The following CCDC149 variants were observed in gnomAD, a reference collection of about 807,000 sequenced individuals.
The protein encoded by CCDC149 is coiled-coil domain-containing protein 149.
Under a neutral mutation model 59.9 loss-of-function variants are expected in CCDC149, and 45 were observed. The ratio of observed to expected loss-of-function variants is 0.75; its 90% CI spans 0.59 to 0.96. The LOEUF (loss-of-function observed/expected upper bound fraction) is 0.96, where lower values mean the gene tolerates loss of function less well. CCDC149 is among the 40% of genes least tolerant of loss of function. The pLI is 0.00. For missense variants in CCDC149, 584 were observed against 664.7 expected, an observed-to-expected ratio of 0.88 and a Z score of 1.33; for synonymous variants, 245 against 260.6, an observed-to-expected ratio of 0.94 and a Z score of 0.58.
chr4:24,819,862 C>T lies in CCDC149; in HGVS notation c.1189G>A (p.Asp397Asn). The T allele has an allele frequency of 6.4e-7, 1 of 1,550,776 alleles. No individual in the cohort carries two copies. Among genetic ancestry groups the T allele is most frequent in the Non-Finnish European group, 8.7e-7 (1 of 1,146,174 alleles). The change falls in exon 12 of 13, where the codon GAT (aspartate) becomes AAT (asparagine). Residue 397 changes from aspartate to asparagine, a missense_variant. Transcript: ENST00000635206. ...GGAGAAATCGAGGCGTGCTTACCAT[C>T]CTTGGGATCTGCTTTGTTCTCAGTG...
At chr4:24,815,101 G>A (rs1013672494) in intron 12 of CCDC149, among the ~76,000 whole-genome samples, 3 of 152,166 alleles carry the variant, frequency 2.0e-5, no homozygotes, top group South Asian at 2.1e-4. Context: ...CTTATTAAAT[G>A]TTTGAATATA....
upstream of CCDC149, among the ~76,000 whole-genome samples, chr4:24,914,505 G>A (rs1722063890): frequency 6.6e-6 from 1 of 152,034 alleles, no homozygotes; most frequent in African/African-American, 2.4e-5. Context: ...GCTGGTTAAG[G>A]TAGGATTCCC....
At chr4:24,868,400 G>C (rs897105039) in intron 3 of CCDC149, among the ~76,000 whole-genome samples, 1 of 152,098 alleles carries the variant, frequency 6.6e-6, no homozygotes, top group African/African-American at 2.4e-5. Context: ...AGGGACAAGA[G>C]TCTTCTTTTT....
At chr4:24,929,630 C>T (rs116699747) in intron 1 of CCDC149, among the ~76,000 whole-genome samples, 496 of 152,276 alleles carry the variant, frequency 3.3e-3, no homozygotes, top group African/African-American at 0.012. Flanking sequence ...CACCCTTCAC[C>T]GCAGTCCAAG....
At chr4:24,914,405 GA>G (rs1056544211), upstream of CCDC149, among the ~76,000 whole-genome samples, 369 of 122,028 alleles carry the variant, frequency 3.0e-3, 3 homozygotes, top group African/African-American at 9.8e-3. Flanking sequence ...AAAAAAAAAA[GA>G]AAAAAAAAGG....
chr4:24,918,421 C>G (rs1036735548), intron 1 of CCDC149, among the ~76,000 whole-genome samples: 1 of 152,174 alleles, frequency 6.6e-6, no homozygotes, highest in Admixed American at 6.5e-5. Flanking sequence ...TCTCCACCCC[C>G]ATACCAGGTC....
chr4:24,938,968 G>A lies in CCDC149; in HGVS notation c.-65+41101C>T, dbSNP rs566043835. On this transcript the variant is annotated intron_variant, in intron 1 of 12. Coordinates refer to the CCDC149 transcript ENST00000389609. ...GCCTCTGTAGGCTCCACCTCTGGGG[G>A]CAGGGCACAGACAAACAAAAGACAG... 9.0e-4 allele frequency among the ~76,000 whole-genome samples: 137 copies of A among 152,350 alleles called. 1 individual carries two copies. The highest frequency in any genetic ancestry group is 1.8e-3 in the Non-Finnish European group (120 of 68,038).
chr4:24,935,361 A>G (rs1313982640), intron 1 of CCDC149, among the ~76,000 whole-genome samples: 1 of 152,244 alleles, frequency 6.6e-6, no homozygotes, highest in Non-Finnish European at 1.5e-5. Flanking sequence ...AAAGATTTAT[A>G]TTTTAAATAA....
chr4:24,843,778 C>A (rs1717085347), intron 4 of CCDC149, among the ~76,000 whole-genome samples: 1 of 152,092 alleles, frequency 6.6e-6, no homozygotes, highest in African/African-American at 2.4e-5. Flanking sequence ...CTGACAGATA[C>A]CCCCAAGTGG....
intron 12 of CCDC149, among the ~76,000 whole-genome samples, chr4:24,815,869 A>G (rs1466936201): frequency 6.6e-6 from 1 of 152,120 alleles, no homozygotes; most frequent in East Asian, 1.9e-4. Context: ...GTGTGGGGCC[A>G]ACACTGCTGT....
intron 1 of CCDC149, among the ~76,000 whole-genome samples, chr4:24,970,442 C>G (rs2109366796): frequency 1.3e-5 from 2 of 152,264 alleles, no homozygotes; most frequent in South Asian, 4.1e-4. Flanking sequence ...CCTGGCTAGC[C>G]TGTAGCATTT....
intron 3 of CCDC149, among the ~76,000 whole-genome samples, chr4:24,870,467 T>C (rs934308948): frequency 6.6e-6 from 1 of 152,206 alleles, no homozygotes; most frequent in African/African-American, 2.4e-5. Context: ...CAGCAATCAC[T>C]GGTTCCAACC....
chr4:24,937,807 C>T (rs568142209), intron 1 of CCDC149, among the ~76,000 whole-genome samples: 1 of 152,284 alleles, frequency 6.6e-6, no homozygotes, highest in East Asian at 1.9e-4. Context: ...CAGAAAAGCA[C>T]ATGGAAGTCG....
chr4:24,835,540 T>C (rs1716461329), intron 7 of CCDC149, among the ~76,000 whole-genome samples: 1 of 152,230 alleles, frequency 6.6e-6, no homozygotes. Context: ...AATTGATATG[T>C]AGCATCTAGC....
chr4:24,837,989 C>T lies in CCDC149; in HGVS notation c.489+167G>A, dbSNP rs200772948. Among the ~76,000 whole-genome samples the T allele has an allele frequency of 4.6e-5, 7 of 152,234 alleles. 1 individual carries two copies. The South Asian group carries it at 1.5e-3, about 32-fold the overall frequency. Reference sequence around the variant, plus strand: ...GACCTGCCTGCTGGAGGCCAGAAACCCAAGAGTCAGCTTGGGACCCTAGTG... The same window carrying T: ...GACCTGCCTGCTGGAGGCCAGAAACTCAAGAGTCAGCTTGGGACCCTAGTG... On this transcript the variant is annotated intron_variant, in intron 5 of 12. Coordinates refer to ENST00000635206, the MANE Select transcript of CCDC149 (RefSeq NM_001330643.2). The surrounding 1 kb of genome is among the most constrained non-coding windows in gnomAD (Gnocchi z 4.3).
At chr4:24,904,335 T>C (rs1721349801) in intron 1 of CCDC149, among the ~76,000 whole-genome samples, 1 of 152,248 alleles carries the variant, frequency 6.6e-6, no homozygotes, top group South Asian at 2.1e-4. Flanking sequence ...CTATACCATG[T>C]ACCCTGTAAC....
At chr4:24,826,809 C>T (rs1365730268) in intron 9 of CCDC149, 1 of 152,204 alleles carries the variant, frequency 6.6e-6, no homozygotes, top group African/African-American at 2.4e-5. Context: ...GTCCAAGGGA[C>T]TGGGCTGAGA....
chr4:24,846,332 A>G (rs751371735), intron 4 of CCDC149, among the ~76,000 whole-genome samples: 1 of 152,184 alleles, frequency 6.6e-6, no homozygotes, highest in Non-Finnish European at 1.5e-5. Flanking sequence ...CCTCATAATT[A>G]ATTTCTATAG....
intron 1 of CCDC149, among the ~76,000 whole-genome samples, chr4:24,889,840 A>G (rs945913236): frequency 6.6e-6 from 1 of 152,162 alleles, no homozygotes; most frequent in Non-Finnish European, 1.5e-5. Context: ...GAAATCCTAA[A>G]AAATACCCTA....
Sources: allele counts gnomAD v4.1 joint callset (sites outside exome capture counted in the v4.1 genomes callset), GRCh38; gene constraint gnomAD v4.1.1; non-coding constraint Gnocchi (gnomAD v3.1); transcripts MANE v1.5; gene names NCBI Gene and HGNC (gene_info 2026-07-23, HGNC 2026-07-21).